KCTD1: variants seen among roughly 807,000 people sequenced by gnomAD.
KCTD1 encodes potassium channel tetramerization domain containing 1, also known as BTB/POZ domain-containing protein KCTD1.
In KCTD1, 24 loss-of-function variants were observed where a neutral mutation model predicts 66.0. That is an observed-to-expected ratio of 0.36 (90% CI 0.26 to 0.51). The LOEUF (loss-of-function observed/expected upper bound fraction) is 0.51. KCTD1 is among the 20% of genes least tolerant of loss of function. KCTD1 has a pLI of 0.95. For synonymous variants in KCTD1, 511 were observed against 517.2 expected (o/e 0.99, Z 0.16); for missense variants, 943 against 1,205.2 (o/e 0.78, Z 3.22).
intron 1 of KCTD1, among the ~76,000 whole-genome samples, chr18:26,561,860 A>T (rs867306176): frequency 2.0e-5 from 3 of 152,182 alleles, no homozygotes; most frequent in Non-Finnish European, 4.4e-5. Context: ...GAATCAGCCC[A>T]GTCCCGTGCT....
chr18:26,533,244 T>A (rs551108615), intron 1 of KCTD1, among the ~76,000 whole-genome samples: 3 of 152,246 alleles, frequency 2.0e-5, no homozygotes, highest in African/African-American at 7.2e-5. Flanking sequence ...ATTCACACTT[T>A]ATGATGCAGA....
At chr18:26,657,306 C>G (rs1988178821) in intron 1 of KCTD1, 1 of 984,764 alleles carries the variant, frequency 1.0e-6, no homozygotes, top group African/African-American at 1.7e-5. Context: ...CGCCCAAAGT[C>G]CCAGCCATAC....
At chr18:26,613,046 T>C (rs138446420) in intron 1 of KCTD1, among the ~76,000 whole-genome samples, 3 of 152,334 alleles carry the variant, frequency 2.0e-5, no homozygotes, top group South Asian at 2.1e-4. Context: ...AATGGGATTA[T>C]AAACTTTGAG....
chr18:26,581,060 A>G (rs941003683), intron 1 of KCTD1: 3 of 152,226 alleles, frequency 2.0e-5, no homozygotes, highest in African/African-American at 7.2e-5. Context: ...AGAACTGGGT[A>G]TAACATTTTG....
intron 3 of KCTD1, among the ~76,000 whole-genome samples, chr18:26,467,894 A>G (rs1434238351): frequency 6.6e-6 from 1 of 152,208 alleles, no homozygotes; most frequent in East Asian, 1.9e-4. Context: ...GTAAGTTGGG[A>G]GCTGCCTGCC....
At chr18:26,467,342 G>C (rs1287778388) in intron 3 of KCTD1, among the ~76,000 whole-genome samples, 1 of 152,000 alleles carries the variant, frequency 6.6e-6, no homozygotes, top group East Asian at 1.9e-4. Flanking sequence ...GGCTCAGTGA[G>C]ACCGTCTCTA....
intron 1 of KCTD1, among the ~76,000 whole-genome samples, chr18:26,506,680 T>G (rs984775707): frequency 6.6e-6 from 1 of 152,132 alleles, no homozygotes; most frequent in Non-Finnish European, 1.5e-5. Context: ...ATAACATCCT[T>G]GTGTCTGGAG....
intron 1 of KCTD1, among the ~76,000 whole-genome samples, chr18:26,608,068 G>T (rs1026977720): frequency 6.6e-6 from 1 of 152,150 alleles, no homozygotes; most frequent in Non-Finnish European, 1.5e-5. Flanking sequence ...ACTGCACCTG[G>T]TCTCAAATTC....
intron 1 of KCTD1, among the ~76,000 whole-genome samples, chr18:26,574,214 A>G (rs1277208777): frequency 2.0e-5 from 3 of 152,248 alleles, no homozygotes; most frequent in Non-Finnish European, 4.4e-5. Context: ...AAACCAAATA[A>G]TAGAGGATCT....
At chr18:26,599,506 G>T (rs1402350413) in intron 1 of KCTD1, 1 of 1,594,884 alleles carries the variant, frequency 6.3e-7, no homozygotes, top group Middle Eastern at 1.8e-4. Flanking sequence ...GAGCTTCAAG[G>T]TTAACTGGCA....
intron 3 of KCTD1, among the ~76,000 whole-genome samples, chr18:26,467,137 T>G (rs1980778312): frequency 8.1e-6 from 1 of 122,984 alleles, no homozygotes; most frequent in Admixed American, 7.9e-5. Flanking sequence ...GTATAGTTTG[T>G]TTTTTTTTTT....
chr18:26,573,872 C>T (rs1481254268), intron 1 of KCTD1, among the ~76,000 whole-genome samples: 2 of 152,148 alleles, frequency 1.3e-5, no homozygotes, highest in African/African-American at 2.4e-5. Flanking sequence ...ATGTGAAAGT[C>T]GTGAGAAGTT....
chr18:26,547,186 G>A lies in KCTD1; in HGVS notation c.1351C>T (p.His451Tyr), dbSNP rs1440709935. 29 of 1,551,168 alleles carry A rather than the reference G, an allele frequency of 1.9e-5. No individual in the cohort carries two copies. Among genetic ancestry groups the A allele is most frequent in the Non-Finnish European group, 2.4e-5 (28 of 1,147,000 alleles). ...GCGATGGAGACGGCGCCGATGCAGTGGTTGGTGTAGGTCTTGGAGAGCTTG... is the reference window on the plus strand; with the variant it reads ...GCGATGGAGACGGCGCCGATGCAGTAGTTGGTGTAGGTCTTGGAGAGCTTG... ...AAKLSKTYTNHCIGAVSIATL... is the reference protein window; with the variant it reads ...AAKLSKTYTNYCIGAVSIATL... The change falls in exon 1 of 5, where the codon CAC becomes TAC. Residue 451 changes from histidine (H) to tyrosine (Y), a missense_variant. His to Tyr is a moderately conservative substitution (Grantham distance 83). Around this residue, in one of 10 missense-constraint regions of KCTD1, gnomAD observed 79 missense variants for 133.9 expected, o/e 0.59. Transcript: ENST00000580059.
Position 26,455,866 on chromosome 18 carries a change from G to C in KCTD1, c.2475C>G (p.Ile825Met). Residue 825 changes from isoleucine (I) to methionine (M), a missense_variant, in exon 5 of 5, where the codon ATC (isoleucine) becomes ATG (methionine). Physicochemically the swap from Ile to Met is conservative, Grantham distance 10. This residue lies in a region of KCTD1 where 162 missense variants were observed against 232.4 expected (regional missense o/e 0.70). Coordinates refer to ENST00000580059, the MANE Select transcript of KCTD1 (RefSeq NM_001142730.3). ...CTACTCCTCCCCCACAGGAGCCCAC[G>C]ATTTCAAATCCTCTTTGCTGCAACC... ...LERLQQRGFE[I>M]VGSCGGGVDS... is the part of the protein sequence containing the mutation. 6.2e-7 allele frequency: 1 copy of C among 1,614,142 alleles called. No individual in the cohort carries two copies. The highest frequency in any genetic ancestry group is 8.5e-7 in the Non-Finnish European group (1 of 1,179,988).
rs60657539 is a variant in KCTD1, at chr18:26,635,183, C to T, written c.-107+5128G>A. 5.5e-3 allele frequency among the ~76,000 whole-genome samples: 831 copies of T among 151,938 alleles called. 6 individuals carry two copies. Among genetic ancestry groups the T allele is most frequent in the African/African-American group, 0.019 (772 of 41,400 alleles). On this transcript the variant is annotated intron_variant, in intron 1 of 5. Coordinates refer to the KCTD1 transcript ENST00000579973. The stretch of plus-strand genomic sequence containing the variant: ...TCTCAATTTCTGAGTTTTTTCTTGT[C>T]CCTTAAATGTTGTGCTGGACCTGTT...
intron 1 of KCTD1, among the ~76,000 whole-genome samples, chr18:26,594,994 C>T (rs1307902540): frequency 3.9e-5 from 6 of 152,032 alleles, no homozygotes; most frequent in Admixed American, 6.6e-5. Flanking sequence ...CCCCCAACTC[C>T]TCCCCTCTCC....
In KCTD1 at chr18:26,590,134, A is replaced by G. The variant is rs565461997; in HGVS notation, c.-16+39013T>C. Among the ~76,000 whole-genome samples, 546 of 152,166 alleles carry G rather than the reference A, an allele frequency of 3.6e-3. 4 individuals are homozygous for G. Among genetic ancestry groups the G allele is most frequent in the African/African-American group, 0.012 (508 of 41,498 alleles). ...AGTCTTACTGTGTCGCCCAGGCTGG[A>G]GTGCAGTGGCATGATCTCAGCTCAC... On this transcript the variant is annotated intron_variant, in intron 1 of 4. Transcript: ENST00000317932.
At chr18:26,599,949 T>C (rs760435789) in intron 1 of KCTD1, 28 of 1,600,030 alleles carry the variant, frequency 1.7e-5, no homozygotes, top group Non-Finnish European at 2.4e-5. Flanking sequence ...CCAAGAAGTC[T>C]TCTCCTTCAG....
intron 2 of KCTD1, among the ~76,000 whole-genome samples, chr18:26,492,094 T>TA (rs745607882): frequency 6.6e-6 from 1 of 152,106 alleles, no homozygotes; most frequent in Non-Finnish European, 1.5e-5. Flanking sequence ...CATAAAAAAT[T>TA]AGCCAGGTGT....
Sources: gnomAD v4.1 joint callset for allele counts (sites outside exome capture counted in the v4.1 genomes callset) on GRCh38, gnomAD v4.1.1 for gene constraint, gnomAD v4.1.1 regional missense constraint, MANE v1.5 for transcripts, NCBI Gene and HGNC (gene_info 2026-07-23, HGNC 2026-07-21) for gene names.